KDM3B: variants seen among roughly 807,000 people sequenced by gnomAD.
The protein encoded by KDM3B is lysine demethylase 3B.
KDM3B carries 10 observed loss-of-function variants against 170.0 expected under a neutral mutation model. The observed-to-expected ratio is 0.06, with a 90% CI of 0.04 to 0.10. The LOEUF (loss-of-function observed/expected upper bound fraction) is 0.10, where lower values mean the gene tolerates loss of function less well. Among genes scored for constraint, KDM3B ranks in the 10% least tolerant of loss-of-function variants. The pLI, the probability that KDM3B is intolerant of heterozygous loss-of-function variation, is 1.00. For synonymous variants in KDM3B, 831 were observed against 834.8 expected (o/e 1.00, Z 0.08); for missense variants, 1,394 against 2,195.2 (o/e 0.64, Z 7.29).
rs769529664 is a variant in KDM3B at position 138,417,625 on chromosome 5, G to A, written c.3435+15G>A. On this transcript the variant is annotated intron_variant, in intron 13 of 23. Transcript: ENST00000314358. ...GGATGTCACAGGTAAACTGGTGTGT[G>A]TGGGTATAACTAAGTGAAGCCTAAA... The A allele has an allele frequency of 1.1e-4, 176 of 1,612,666 alleles. No individual in the cohort carries two copies. Among genetic ancestry groups the A allele is most frequent in the Admixed American group, 3.2e-4 (19 of 59,902 alleles).
At chr5:138,405,871 T>C (rs1762805830) in intron 11 of KDM3B, among the ~76,000 whole-genome samples, 1 of 152,228 alleles carries the variant, frequency 6.6e-6, no homozygotes, top group Admixed American at 6.5e-5. Flanking sequence ...TCTTACACTT[T>C]ATGTAAAGTG....
intron 6 of KDM3B, among the ~76,000 whole-genome samples, chr5:138,385,559 T>C (rs922295975): frequency 5.9e-5 from 9 of 152,230 alleles, no homozygotes; most frequent in African/African-American, 2.2e-4. Context: ...GGTCACAGAC[T>C]CACAAACGTT....
intron 1 of KDM3B, among the ~76,000 whole-genome samples, chr5:138,369,308 C>G (rs1761818256): frequency 6.6e-6 from 1 of 152,124 alleles, no homozygotes; most frequent in Non-Finnish European, 1.5e-5. Context: ...TTCTCTGGTT[C>G]AAAATTGAAG....
At chr5:138,425,326 T>C in intron 16 of KDM3B, 85 bp from the exon 17 acceptor site, 1 of 1,301,694 alleles carries the variant, frequency 7.7e-7, no homozygotes, top group Non-Finnish European at 1.1e-6. Flanking sequence ...GAGGCCCTCC[T>C]CAGGAAACCC....
chr5:138,425,067 T>C (rs1332423523), intron 16 of KDM3B, among the ~76,000 whole-genome samples: 1 of 152,220 alleles, frequency 6.6e-6, no homozygotes, highest in Non-Finnish European at 1.5e-5. Flanking sequence ...CTTTAGCAGG[T>C]GCTTGAGGAA....
Position 138,435,655 on chromosome 5 carries a change from G to A in KDM3B, c.5241G>A (p.Ala1747=), listed in dbSNP as rs750762083. ...TCATTTACCATGCAGTGAAAGATGCGGTTGGCACCCTCAAGGCTCATGAAT... is the reference window on the plus strand; with the variant it reads ...TCATTTACCATGCAGTGAAAGATGCAGTTGGCACCCTCAAGGCTCATGAAT... The part of the protein sequence containing the change: ...KNIIYHAVKD[A]VGTLKAHESK... Residue 1747 remains alanine, a synonymous_variant, in exon 24 of 24, where the codon GCG becomes GCA. Transcript: ENST00000314358. The A allele has an allele frequency of 6.8e-6, 11 of 1,613,782 alleles. No homozygotes were observed. The highest frequency in any genetic ancestry group is 2.7e-5 in the African/African-American group (2 of 74,924).
chr5:138,427,938 C>G, intron 19 of KDM3B, 29 bp from the exon 20 acceptor site: 1 of 1,606,890 alleles, frequency 6.2e-7, no homozygotes, highest in Non-Finnish European at 8.5e-7. Context: ...ATTGGCCCTT[C>G]ACCTTGCATA....
In KDM3B at chr5:138,379,610, G is replaced by A. The variant is rs963738574; in HGVS notation, c.607G>A (p.Val203Ile). The change falls in exon 5 of 24, where the codon GTC becomes ATC. Residue 203 changes from valine (V) to isoleucine (I), a missense_variant. Around this residue, in one of 19 missense-constraint regions of KDM3B, gnomAD observed 166 missense variants for 216.4 expected, o/e 0.77. Coordinates refer to ENST00000314358, the MANE Select transcript of KDM3B (RefSeq NM_016604.4). ...RGPYSVQGHR[V>I]KIYQPEGEEG... The stretch of plus-strand genomic sequence containing the variant: ...TCCCTACAGTGTTCAAGGTCACAGG[G>A]TCAAAATATATCAGCCAGAGGGGGA... 1 of 1,613,658 alleles carries A rather than the reference G, an allele frequency of 6.2e-7. No homozygotes were observed. Among genetic ancestry groups the A allele is most frequent in the Non-Finnish European group, 8.5e-7 (1 of 1,179,782 alleles).
rs760454683 is a variant in KDM3B, at chr5:138,391,769, G to A, written c.2137G>A (p.Gly713Arg). Residue 713 changes from glycine (G) to arginine (R), a missense_variant, in exon 8 of 24, where the codon GGG becomes AGG. By Grantham distance (125) the Gly-to-Arg change is moderately radical (BLOSUM62 -2). Around this residue, in one of 19 missense-constraint regions of KDM3B, gnomAD observed 294 missense variants for 311.7 expected, o/e 0.94. Transcript: ENST00000314358. The surrounding 1 kb of genome is among the most constrained non-coding windows in gnomAD (Gnocchi z 5.0). ...TGTTCTGGGCTCAGCTCTTACCAGT[G>A]GGGGCCCAAGCCTCTCTGCCATGGG... The part of the protein sequence containing the change: ...SGVLGSALTS[G>R]GPSLSAMGNG... The A allele has an allele frequency of 6.2e-6, 10 of 1,613,884 alleles. No individual in the cohort carries two copies. The highest frequency in any genetic ancestry group is 8.5e-6 in the Non-Finnish European group (10 of 1,180,022).
chr5:138,394,636 A>C (rs1044656783), intron 9 of KDM3B, among the ~76,000 whole-genome samples: 5 of 152,212 alleles, frequency 3.3e-5, no homozygotes, highest in African/African-American at 4.8e-5. Flanking sequence ...AGAATAAACA[A>C]AGAAGGAAAA....
intron 7 of KDM3B, among the ~76,000 whole-genome samples, chr5:138,387,889 G>A (rs778191810): frequency 6.6e-6 from 1 of 152,128 alleles, no homozygotes; most frequent in Non-Finnish European, 1.5e-5. Context: ...AGACCATCCT[G>A]GCTAACACGG....
Position 138,352,921 on chromosome 5 carries a change from G to T in KDM3B, c.126G>T (p.Leu42=). The change falls in exon 1 of 24, where the codon CTG becomes CTT. Residue 42 remains leucine, a synonymous_variant. Coordinates refer to ENST00000314358, the MANE Select transcript of KDM3B (RefSeq NM_016604.4). ...AAASGDPGPA[L]RTRAWRAGTV... Reference sequence around the variant, plus strand: ...CGAGCGGAGATCCGGGGCCTGCGCTGCGCACTCGAGCCTGGCGGGCCGGCA... The same window carrying T: ...CGAGCGGAGATCCGGGGCCTGCGCTTCGCACTCGAGCCTGGCGGGCCGGCA... 1 of 1,338,858 alleles carries T rather than the reference G, an allele frequency of 7.5e-7. No homozygotes were observed. Among genetic ancestry groups the T allele is most frequent in the Non-Finnish European group, 9.6e-7 (1 of 1,044,978 alleles). 82.9% of individuals were successfully genotyped at this position (1,338,858 alleles called of 1,614,324 possible).
At chr5:138,395,235 C>G (rs1428804199) in intron 9 of KDM3B, among the ~76,000 whole-genome samples, 3 of 151,948 alleles carry the variant, frequency 2.0e-5, no homozygotes, top group African/African-American at 2.4e-5. Context: ...TGGATATCAC[C>G]AGGTATTTAA....
At chr5:138,424,485 GA>G (rs1763346012) in intron 16 of KDM3B, 144 bp downstream of exon 16, 1 of 1,021,426 alleles carries the variant, frequency 9.8e-7, no homozygotes, top group African/African-American at 1.6e-5. Context: ...AGTTGTCTTG[GA>G]TTTTTAAAAG....
At position 138,431,903 on chromosome 5, in the gene KDM3B, C is replaced by G. The variant is rs528256618; in HGVS notation, c.5205+344C>G. The stretch of plus-strand genomic sequence containing the variant: ...CTCCAGCCTGGGCAACAGAGCAAGA[C>G]TCCCATCTCAAAAAAAAAAAAACAA... On this transcript the variant is annotated intron_variant, in intron 23 of 23. Coordinates refer to ENST00000314358, the MANE Select transcript of KDM3B (RefSeq NM_016604.4). Among the ~76,000 whole-genome samples the G allele has an allele frequency of 8.6e-5, 13 of 150,372 alleles. No homozygotes were observed. The South Asian group carries it at 2.7e-3, about 32-fold the overall frequency.
rs775644363 is a variant in KDM3B at position 138,391,733 on chromosome 5, C to T, written c.2101C>T (p.Leu701=). 56 of 1,614,074 alleles carry T rather than the reference C, an allele frequency of 3.5e-5. No individual in the cohort carries two copies. The highest frequency in any genetic ancestry group is 4.6e-5 in the Non-Finnish European group (54 of 1,180,028). ...PLFITTDSSK[L]VSGVLGSALT... ...CTTCATTACAACTGACTCCTCCAAG[C>T]TAGTATCTGGTGTTCTGGGCTCAGC... is the stretch of plus-strand genomic sequence containing the variant. The change falls in exon 8 of 24, where the codon CTA becomes TTA. Residue 701 remains leucine, a synonymous_variant. Coordinates refer to ENST00000314358, the MANE Select transcript of KDM3B (RefSeq NM_016604.4). This position sits in a 1 kb window ranked among gnomAD's most constrained non-coding sequence, Gnocchi z 5.0.
At chr5:138,360,061 C>T (rs1761558031) in intron 1 of KDM3B, among the ~76,000 whole-genome samples, 1 of 152,088 alleles carries the variant, frequency 6.6e-6, no homozygotes, top group Non-Finnish European at 1.5e-5. Context: ...CTCTAAAATA[C>T]CTCTCTATTT....
chr5:138,370,613 C>T (rs187005884), intron 1 of KDM3B, among the ~76,000 whole-genome samples: 446 of 152,154 alleles, frequency 2.9e-3, no homozygotes, highest in Middle Eastern at 0.014. Flanking sequence ...TTAATTACAT[C>T]ATCTACATGT....
chr5:138,373,804 T>C (rs1761932015), intron 2 of KDM3B, among the ~76,000 whole-genome samples: 1 of 152,064 alleles, frequency 6.6e-6, no homozygotes, highest in Admixed American at 6.6e-5. Context: ...AAAATTTAAT[T>C]GTGAGAGTAT....
Sources: gnomAD v4.1 joint callset for allele counts (sites outside exome capture counted in the v4.1 genomes callset) on GRCh38, gnomAD v4.1.1 for gene constraint, gnomAD v4.1.1 regional missense constraint, Gnocchi (gnomAD v3.1) non-coding constraint, MANE v1.5 for transcripts, NCBI Gene and HGNC (gene_info 2026-07-23, HGNC 2026-07-21) for gene names.